Variants in TRIM71 observed in about 807,000 individuals in gnomAD.
TRIM71 encodes E3 ubiquitin-protein ligase TRIM71.
In TRIM71, 9 loss-of-function variants were observed where a neutral mutation model predicts 61.2. That is an observed-to-expected ratio of 0.15 (90% CI 0.09 to 0.26). TRIM71 has a LOEUF of 0.26. Among genes scored for constraint, TRIM71 ranks in the 10% least tolerant of loss-of-function variants. The pLI, the probability that TRIM71 is intolerant of heterozygous loss-of-function variation, is 1.00. For synonymous variants in TRIM71, 645 were observed against 553.2 expected, an observed-to-expected ratio of 1.17 and a Z score of -2.33; for missense variants, 998 against 1,238.7, an observed-to-expected ratio of 0.81 and a Z score of 2.92.
At chr3:32,833,525 C>A (rs1451831089) in intron 1 of TRIM71, among the ~76,000 whole-genome samples, 1 of 151,940 alleles carries the variant, frequency 6.6e-6, no homozygotes, top group Non-Finnish European at 1.5e-5. Flanking sequence ...GGTTTGGAAC[C>A]CCCGGCTATC....
At position 32,893,634 on chromosome 3, in the gene TRIM71, A is replaced by C. The variant is rs13433809; in HGVS notation, c.*1823A>C. The C allele has an allele frequency of 1.3e-5, 2 of 152,054 alleles. No individual in the cohort carries two copies. The highest frequency in any genetic ancestry group is 2.1e-4 in the South Asian group (1 of 4,824). 9.4% of individuals were successfully genotyped at this position (152,054 alleles called of 1,614,324 possible). Reference sequence around the variant, plus strand: ...GTTCCTCTGTTTAAGAGAAATTTCTATTGCAAAATGGGTATCGTTTTAAAT... The same window carrying C: ...GTTCCTCTGTTTAAGAGAAATTTCTCTTGCAAAATGGGTATCGTTTTAAAT... On this transcript the variant is annotated 3_prime_UTR_variant, in exon 4 of 4. Coordinates refer to ENST00000383763, the MANE Select transcript of TRIM71 (RefSeq NM_001039111.3).
At position 32,818,884 on chromosome 3, in the gene TRIM71, C is replaced by G; in HGVS notation, c.804C>G (p.Leu268=). ...PPFPGPPFSI[L]SVFPERLGFC... ...TTCCCGGCCCGCCCTTCTCCATCCT[C>G]TCAGTGTTTCCCGAGCGCCTCGGCT... Residue 268 remains leucine, a synonymous_variant, in exon 1 of 4, where the codon CTC becomes CTG. Transcript: ENST00000383763. 1 of 1,612,760 alleles carries G rather than the reference C, an allele frequency of 6.2e-7. No homozygotes were observed. Among genetic ancestry groups the G allele is most frequent in the South Asian group, 1.1e-5 (1 of 91,074 alleles).
rs1230451614 is a variant in TRIM71 at position 32,868,700 on chromosome 3, TAA to T, written c.853-5113_853-5112del. On this transcript the variant is annotated intron_variant, in intron 1 of 3. Coordinates refer to ENST00000383763, the MANE Select transcript of TRIM71 (RefSeq NM_001039111.3). ...GAGACATTAGGGTTTTTTTTTTTTT[TAA>T]AAAACTGTTTGCTTGTATTACTTTC... is the stretch of plus-strand genomic sequence containing the variant. Among the ~76,000 whole-genome samples, 759 of 150,364 alleles carry T rather than the reference TAA, an allele frequency of 5.0e-3. 14 individuals carry two copies. The highest frequency in any genetic ancestry group is 0.045 in the East Asian group (229 of 5,142).
At chr3:32,865,391 G>A (rs1696721374) in intron 1 of TRIM71, among the ~76,000 whole-genome samples, 1 of 152,010 alleles carries the variant, frequency 6.6e-6, no homozygotes, top group African/African-American at 2.4e-5. Context: ...GCCTGCGGAG[G>A]GTCAGAATCA....
intron 1 of TRIM71, among the ~76,000 whole-genome samples, chr3:32,837,132 G>A (rs1696344019): frequency 6.6e-6 from 1 of 152,160 alleles, no homozygotes; most frequent in African/African-American, 2.4e-5. Flanking sequence ...CTCCCCAAAT[G>A]TAATCATTGT....
chr3:32,864,792 T>C (rs1210892139), intron 1 of TRIM71, among the ~76,000 whole-genome samples: 1 of 152,070 alleles, frequency 6.6e-6, no homozygotes, highest in East Asian at 1.9e-4. Flanking sequence ...GCATGTGTGT[T>C]GTCCCCCAGT....
At chr3:32,827,567 G>A (rs370807030) in intron 1 of TRIM71, among the ~76,000 whole-genome samples, 13 of 152,280 alleles carry the variant, frequency 8.5e-5, no homozygotes, top group African/African-American at 3.1e-4. Context: ...TGCAAGGGGG[G>A]ATAATTCTTG....
chr3:32,832,010 A>G (rs917038447), intron 1 of TRIM71, among the ~76,000 whole-genome samples: 8 of 152,290 alleles, frequency 5.3e-5, no homozygotes, highest in Middle Eastern at 3.4e-3. Flanking sequence ...CTAAAGATGT[A>G]TAAGAGCAGT....
At chr3:32,831,388 T>G (rs35117224) in intron 1 of TRIM71, among the ~76,000 whole-genome samples, 30,214 of 151,996 alleles carry the variant, frequency 0.2, 3,045 homozygotes, top group Middle Eastern at 0.3. Context: ...ACATGAAGGT[T>G]CTTTGAAAGA....
intron 2 of TRIM71, among the ~76,000 whole-genome samples, chr3:32,874,692 T>A (rs1696836238): frequency 6.6e-6 from 1 of 151,114 alleles, no homozygotes; most frequent in South Asian, 2.1e-4. Flanking sequence ...CCGGCTAATT[T>A]TTTGTATTTT....
rs779603354 is a variant in TRIM71, at chr3:32,818,089, G to A, written c.9G>A (p.Ser3=). 3 of 1,609,956 alleles carry A rather than the reference G, an allele frequency of 1.9e-6. No individual in the cohort carries two copies. Among genetic ancestry groups the A allele is most frequent in the Middle Eastern group, 1.7e-4 (1 of 6,044 alleles). Residue 3 remains serine, a synonymous_variant, in exon 1 of 4, where the codon TCG becomes TCA. Coordinates refer to ENST00000383763, the MANE Select transcript of TRIM71 (RefSeq NM_001039111.3). The stretch of plus-strand genomic sequence containing the variant: ...TCCGGGCTGGGTTGCAAATGGCTTC[G>A]TTCCCCGAGACCGATTTCCAGATCT... MA[S]FPETDFQICL...
chr3:32,838,295 G>A (rs953061979), intron 1 of TRIM71, among the ~76,000 whole-genome samples: 3 of 151,988 alleles, frequency 2.0e-5, no homozygotes, highest in African/African-American at 7.3e-5. Context: ...GTGAGCTCCG[G>A]TTCACCGCAA....
At position 32,893,165 on chromosome 3, in the gene TRIM71, C is replaced by T. The variant is rs758300122; in HGVS notation, c.*1354C>T. ...TTTGCACCCAGGCCATGCTTTAGGA[C>T]CTCATGGTTAACATGAATCCCCCCG... On this transcript the variant is annotated 3_prime_UTR_variant, in exon 4 of 4. Coordinates refer to ENST00000383763, the MANE Select transcript of TRIM71 (RefSeq NM_001039111.3). The T allele has an allele frequency of 1.3e-5, 2 of 152,116 alleles. No homozygotes were observed. Among genetic ancestry groups the T allele is most frequent in the Non-Finnish European group, 2.9e-5 (2 of 68,108 alleles). The allele number at this position is 152,116 out of a possible 1,614,324, so 9.4% of individuals were successfully genotyped here.
chr3:32,846,734 C>A (rs1005890310), intron 1 of TRIM71, among the ~76,000 whole-genome samples: 1 of 145,238 alleles, frequency 6.9e-6, no homozygotes, highest in Admixed American at 7.0e-5. Context: ...CTTCTCTCTA[C>A]TTCTATGAGA....
intron 1 of TRIM71, among the ~76,000 whole-genome samples, chr3:32,859,952 C>T (rs1460316890): frequency 6.6e-6 from 1 of 152,108 alleles, no homozygotes; most frequent in Non-Finnish European, 1.5e-5. Context: ...TTCCTCAGGT[C>T]ATACCACCTA....
At chr3:32,881,699 T>C (rs1327089726) in intron 2 of TRIM71, among the ~76,000 whole-genome samples, 1 of 152,196 alleles carries the variant, frequency 6.6e-6, no homozygotes, top group Admixed American at 6.5e-5. Flanking sequence ...TATATATCTG[T>C]TTTGGAAGTT....
intron 1 of TRIM71, 143 bp from the exon 2 acceptor site, chr3:32,873,675 C>T: frequency 1.4e-6 from 1 of 699,236 alleles, no homozygotes. Flanking sequence ...AGTTACGCCA[C>T]TGCTGCCTCT....
chr3:32,829,944 T>TC (rs1292385727), intron 1 of TRIM71, among the ~76,000 whole-genome samples: 7 of 134,372 alleles, frequency 5.2e-5, no homozygotes, highest in South Asian at 2.4e-4. Flanking sequence ...TTTTTTTTTT[T>TC]TCGAGATGGA....
chr3:32,836,668 T>C (rs1696338284), intron 1 of TRIM71, among the ~76,000 whole-genome samples: 1 of 152,230 alleles, frequency 6.6e-6, no homozygotes, highest in Non-Finnish European at 1.5e-5. Context: ...TAGTGAATGG[T>C]TTCTTGTCCT....
Sources: allele counts gnomAD v4.1 joint callset (sites outside exome capture counted in the v4.1 genomes callset), GRCh38; gene constraint gnomAD v4.1.1; transcripts MANE v1.5; gene names NCBI Gene and HGNC (gene_info 2026-07-23, HGNC 2026-07-21).